The following TRANK1 variants were observed in gnomAD, a reference collection of about 807,000 sequenced individuals.
The protein encoded by TRANK1 is tetratricopeptide repeat and ankyrin repeat containing 1.
Under a neutral mutation model 266.0 loss-of-function variants are expected in TRANK1, and 198 were observed. The observed-to-expected ratio is 0.74, with a 90% CI of 0.66 to 0.84. TRANK1 has a LOEUF of 0.84. TRANK1 is among the 40% of genes least tolerant of loss of function. The pLI, the probability that TRANK1 is intolerant of heterozygous loss-of-function variation, is 0.00. For missense variants in TRANK1, 3,326 were observed against 3,634.6 expected, an observed-to-expected ratio of 0.92 and a Z score of 2.18; for synonymous variants, 1,396 against 1,384.1, an observed-to-expected ratio of 1.01 and a Z score of -0.19.
At chr3:36,841,775 T>A (rs1203868469) in intron 18 of TRANK1, among the ~76,000 whole-genome samples, 4 of 151,860 alleles carry the variant, frequency 2.6e-5, no homozygotes, top group Admixed American at 6.6e-5. Flanking sequence ...AGGCAACCAA[T>A]GAAAGGGAAC....
At chr3:36,903,372 G>A in intron 2 of TRANK1, 97 bp from the exon 3 acceptor site, 2 of 1,434,766 alleles carry the variant, frequency 1.4e-6, no homozygotes, top group Non-Finnish European at 1.9e-6. Context: ...CATCAGGAAG[G>A]GGGTTTCAGT....
At chr3:36,914,487 C>A in intron 1 of TRANK1, among the ~76,000 whole-genome samples, 1 of 144,726 alleles carries the variant, frequency 6.9e-6, no homozygotes, top group South Asian at 2.2e-4. Context: ...TATTGAGGTA[C>A]AATTTACATA....
intron 1 of TRANK1, among the ~76,000 whole-genome samples, chr3:36,919,866 T>C (rs769734493): frequency 5.3e-5 from 8 of 152,272 alleles, no homozygotes; most frequent in African/African-American, 7.2e-5. Context: ...GTGCCTTTTA[T>C]TGGCCATATG....
At chr3:36,863,588 G>T (rs962666544) in intron 10 of TRANK1, among the ~76,000 whole-genome samples, 1 of 152,204 alleles carries the variant, frequency 6.6e-6, no homozygotes, top group African/African-American at 2.4e-5. Flanking sequence ...CATTTTATGT[G>T]CAGGACATTA....
intron 9 of TRANK1, among the ~76,000 whole-genome samples, chr3:36,872,401 C>CAAA (rs969820115): frequency 6.8e-6 from 1 of 146,984 alleles, no homozygotes; most frequent in Non-Finnish European, 1.5e-5. Flanking sequence ...GACTTCGTCT[C>CAAA]AAAAAAAAAG....
intron 2 of TRANK1, among the ~76,000 whole-genome samples, chr3:36,905,457 G>A (rs900735267): frequency 3.3e-5 from 5 of 152,178 alleles, no homozygotes; most frequent in African/African-American, 7.2e-5. Context: ...CTCTTTGCAC[G>A]TAACACAGTG....
Position 36,842,655 on chromosome 3 carries a change from C to T in TRANK1, c.5247G>A (p.Gln1749=), listed in dbSNP as rs768732985. 6.2e-7 allele frequency: 1 copy of T among 1,614,000 alleles called. No homozygotes were observed. Among genetic ancestry groups the T allele is most frequent in the Non-Finnish European group, 8.5e-7 (1 of 1,179,894 alleles). Residue 1749 remains glutamine (Q), a synonymous_variant, in exon 18 of 24, where the codon CAG becomes CAA. Coordinates refer to ENST00000645898, the MANE Select transcript of TRANK1 (RefSeq NM_001329998.2). ...ACTGGTGCTTGGCGTAGTAATCTCC[C>T]TGTGCAATCCACTCCGCAGGAGTTG... ...KTSTPAEWIA[Q]GDYYAKHQCW... is the part of the protein sequence containing the mutation.
chr3:36,903,233 T>C lies in TRANK1; in HGVS notation c.198A>G (p.Ser66=), dbSNP rs1024111918. The part of the protein sequence containing the change: ...RDLAVLLCNK[S]NAFFSLGKWN... ...ACTTCCCAAGGCTGAAAAATGCATT[T>C]GATTTGTTGCACAGCAGCACAGCCA... Residue 66 remains serine, a synonymous_variant, in exon 3 of 24, where the codon TCA becomes TCG. Transcript: ENST00000645898. The C allele has an allele frequency of 7.2e-5, 111 of 1,537,220 alleles. No individual in the cohort carries two copies. In the Admixed American group the frequency reaches 2.1e-3, roughly 29 times the overall value.
chr3:36,876,105 A>T (rs1559445944), intron 8 of TRANK1, among the ~76,000 whole-genome samples: 2 of 152,176 alleles, frequency 1.3e-5, no homozygotes, highest in African/African-American at 4.8e-5. Context: ...AATAAGACTT[A>T]TTTTTTTGTC....
intron 1 of TRANK1, among the ~76,000 whole-genome samples, chr3:36,913,050 G>GTGTGTA (rs1228140938): frequency 1.3e-5 from 2 of 151,602 alleles, no homozygotes; most frequent in Non-Finnish European, 2.9e-5. Context: ...GTGTGTGTGT[G>GTGTGTA]TGTGTGTGTG....
At chr3:36,923,498 C>T (rs893572165) in intron 1 of TRANK1, among the ~76,000 whole-genome samples, 2 of 152,142 alleles carry the variant, frequency 1.3e-5, no homozygotes, top group African/African-American at 4.8e-5. Flanking sequence ...TCAGGTGATC[C>T]ACCTGCCTCG....
rs190390535 is a variant in TRANK1 at position 36,905,483 on chromosome 3, A to G, written c.156-2208T>C. Among the ~76,000 whole-genome samples, 17 of 152,300 alleles carry G rather than the reference A, an allele frequency of 1.1e-4. No homozygotes were observed. In the East Asian group the frequency reaches 2.3e-3, roughly 21 times the overall value. The stretch of plus-strand genomic sequence containing the variant: ...TAACACAGTGAGAAGGCAACCATCT[A>G]CAAGCCAGGAAGACAGCCCTCACAG... On this transcript the variant is annotated intron_variant, in intron 2 of 23. Transcript: ENST00000645898.
intron 13 of TRANK1, among the ~76,000 whole-genome samples, chr3:36,853,785 T>C (rs1051758576): frequency 1.3e-5 from 2 of 152,200 alleles, no homozygotes; most frequent in Non-Finnish European, 2.9e-5. Context: ...TATTATATGA[T>C]TACACTCATA....
chr3:36,901,799 G>A (rs1416366615), intron 3 of TRANK1, among the ~76,000 whole-genome samples: 3 of 152,116 alleles, frequency 2.0e-5, no homozygotes, highest in Non-Finnish European at 4.4e-5. Context: ...GTGCTGTCAG[G>A]GGCTGCTGCA....
chr3:36,944,881 C>T lies in TRANK1; in HGVS notation c.-72G>A, dbSNP rs1024772403. 20 of 1,364,698 alleles carry T rather than the reference C, an allele frequency of 1.5e-5. No homozygotes were observed. The highest frequency in any genetic ancestry group is 1.7e-5 in the Non-Finnish European group (18 of 1,058,766). 84.5% of individuals were successfully genotyped at this position (1,364,698 alleles called of 1,614,324 possible). A position where few individuals can be genotyped will look rare whatever the true frequency, so the allele number is the denominator to read the frequency against. ...GCGCTTCCCTGTGGGCAGGGCGCGG[C>T]GGGCAGTGCGGAAGCCCGAAAGCTA... On this transcript the variant is annotated 5_prime_UTR_variant, in exon 1 of 24. Transcript: ENST00000645898.
At chr3:36,894,017 C>A (rs1243426049) in intron 5 of TRANK1, among the ~76,000 whole-genome samples, 2 of 152,132 alleles carry the variant, frequency 1.3e-5, no homozygotes, top group African/African-American at 4.8e-5. Context: ...TCGCTGCCCA[C>A]ACTCAACCCC....
At chr3:36,922,126 A>G (rs2080224345) in intron 1 of TRANK1, among the ~76,000 whole-genome samples, 1 of 152,156 alleles carries the variant, frequency 6.6e-6, no homozygotes, top group Non-Finnish European at 1.5e-5. Flanking sequence ...AGCCTGGGTG[A>G]CAAAGTGAAA....
chr3:36,841,418 G>C (rs1020439824), intron 18 of TRANK1, among the ~76,000 whole-genome samples: 1 of 152,196 alleles, frequency 6.6e-6, no homozygotes, highest in African/African-American at 2.4e-5. Context: ...CCAGGTGCCT[G>C]GGGTAGAGAA....
At position 36,847,231 on chromosome 3, in the gene TRANK1, C is replaced by T. The variant is rs373643551; in HGVS notation, c.5003G>A (p.Arg1668Gln). Reference sequence around the variant, plus strand: ...CATTTCTGGATTCACCATGAGAGATCGACCCTGAGAAGAGCCTGGTTTGTC... The same window carrying T: ...CATTTCTGGATTCACCATGAGAGATTGACCCTGAGAAGAGCCTGGTTTGTC... ...PLDKPGSSQG[R>Q]SLMVNPEMYK... Residue 1668 changes from arginine (R) to glutamine (Q), a missense_variant, in exon 16 of 24, where the codon CGA becomes CAA. Coordinates refer to ENST00000645898, the MANE Select transcript of TRANK1 (RefSeq NM_001329998.2). 60 of 1,613,196 alleles carry T rather than the reference C, an allele frequency of 3.7e-5. No individual in the cohort carries two copies. Among genetic ancestry groups the T allele is most frequent in the East Asian group, 1.3e-4 (6 of 44,886 alleles).
Sources: gnomAD v4.1 joint callset for allele counts (sites outside exome capture counted in the v4.1 genomes callset) on GRCh38, gnomAD v4.1.1 for gene constraint, MANE v1.5 for transcripts, NCBI Gene and HGNC (gene_info 2026-07-23, HGNC 2026-07-21) for gene names.